The following STRBP variants were observed in gnomAD, a reference collection of about 807,000 sequenced individuals.
The protein encoded by STRBP is spermatid perinuclear RNA binding protein.
A neutral mutation model predicts 80.1 loss-of-function variants in STRBP; 13 were observed. The ratio of observed to expected loss-of-function variants is 0.16; its 90% CI spans 0.11 to 0.26. The LOEUF (loss-of-function observed/expected upper bound fraction) is 0.26, where lower values mean the gene tolerates loss of function less well. Ranked by LOEUF, STRBP falls within the 10% of genes least tolerant of loss-of-function variation. STRBP has a pLI of 1.00. For missense variants in STRBP, 485 were observed against 815.2 expected (o/e 0.59, Z 4.93); for synonymous variants, 284 against 291.2 (o/e 0.98, Z 0.25).
At chr9:123,152,421 A>G (rs187657733) in intron 11 of STRBP, among the ~76,000 whole-genome samples, 26 of 152,224 alleles carry the variant, frequency 1.7e-4, no homozygotes, top group African/African-American at 5.5e-4. Flanking sequence ...ACGTGTATAT[A>G]TATATGATTG....
chr9:123,110,543 A>C lies in STRBP; in HGVS notation c.*85-790T>G, dbSNP rs2035547991. 5.9e-6 allele frequency: 1 copy of C among 169,454 alleles called. No homozygotes were observed. Among genetic ancestry groups the C allele is most frequent in the Admixed American group, 6.5e-5 (1 of 15,288 alleles). The allele number at this position is 169,454 out of a possible 1,614,324, so 10.5% of individuals were successfully genotyped here. ...TGAGTCCAAGGATGCTTTGGGGAAA[A>C]CGGGATAAACACTGCTAGGAGCTAA... On this transcript the variant is annotated intron_variant and NMD_transcript_variant, in intron 3 of 3. Transcript: ENST00000471564. This position sits in a 1 kb window ranked among gnomAD's most constrained non-coding sequence, Gnocchi z 4.1.
chr9:123,204,598 A>G (rs908577311), intron 2 of STRBP, among the ~76,000 whole-genome samples: 8 of 152,334 alleles, frequency 5.3e-5, no homozygotes, highest in Non-Finnish European at 5.9e-5. Context: ...AAAAGGAAAA[A>G]GGGGTAATGT....
At position 123,125,192 on chromosome 9, in the gene STRBP, T is replaced by C; in HGVS notation, c.*405A>G. On this transcript the variant is annotated 3_prime_UTR_variant, in exon 19 of 19. Coordinates refer to ENST00000348403, the MANE Select transcript of STRBP (RefSeq NM_018387.5). ...TATCAATCAACTAAGAATCAGTGACTGCATCAGGAACCAGGCAGTACTCTG... is the reference window on the plus strand; with the variant it reads ...TATCAATCAACTAAGAATCAGTGACCGCATCAGGAACCAGGCAGTACTCTG... 1.0e-6 allele frequency: 1 copy of C among 988,626 alleles called. No individual in the cohort carries two copies. The highest frequency in any genetic ancestry group is 1.2e-6 in the Non-Finnish European group (1 of 831,938). 61.2% of individuals were successfully genotyped at this position (988,626 alleles called of 1,614,324 possible).
chr9:123,256,921 C>G (rs2041045344), intron 1 of STRBP, among the ~76,000 whole-genome samples: 1 of 147,770 alleles, frequency 6.8e-6, no homozygotes, highest in Non-Finnish European at 1.5e-5. Context: ...TTTTGGTCAA[C>G]ATTATAATGA....
chr9:123,264,043 G>A (rs1034510613), intron 1 of STRBP, among the ~76,000 whole-genome samples: 6 of 152,214 alleles, frequency 3.9e-5, no homozygotes, highest in African/African-American at 4.8e-5. Context: ...GCTGGGCGTG[G>A]TGGCGGGCAC....
chr9:123,163,675 T>C (rs1001032259), intron 6 of STRBP, among the ~76,000 whole-genome samples: 2 of 152,340 alleles, frequency 1.3e-5, no homozygotes, highest in Middle Eastern at 3.4e-3. Flanking sequence ...TTTATAAGCA[T>C]AGATTGCCTG....
chr9:123,141,990 T>A (rs2036609313), intron 13 of STRBP, among the ~76,000 whole-genome samples: 1 of 152,198 alleles, frequency 6.6e-6, no homozygotes. Context: ...TTTGGCCTTG[T>A]CCTTAAGAGC....
intron 1 of STRBP, among the ~76,000 whole-genome samples, chr9:123,244,692 A>G (rs780659949): frequency 3.9e-5 from 6 of 152,234 alleles, no homozygotes; most frequent in Non-Finnish European, 8.8e-5. Flanking sequence ...TGGATCACAC[A>G]TACACTGCTG....
At chr9:123,133,051 A>G in intron 16 of STRBP, 83 bp from the exon 17 acceptor site, 1 of 1,535,736 alleles carries the variant, frequency 6.5e-7, no homozygotes, top group South Asian at 1.2e-5. Context: ...CACAACAACT[A>G]TGAGAAACTG....
intron 11 of STRBP, among the ~76,000 whole-genome samples, chr9:123,153,713 C>A (rs1182549251): frequency 6.6e-6 from 1 of 151,972 alleles, no homozygotes; most frequent in Non-Finnish European, 1.5e-5. Context: ...ATCCATGTAG[C>A]GATATTGAGG....
intron 2 of STRBP, among the ~76,000 whole-genome samples, chr9:123,189,321 A>AGGGGG (rs2038830470): frequency 2.1e-5 from 1 of 47,374 alleles, no homozygotes; most frequent in African/African-American, 8.8e-5. Flanking sequence ...GGGTGGGGGG[A>AGGGGG]GGGTGGGGAG....
intron 2 of STRBP, among the ~76,000 whole-genome samples, chr9:123,215,017 G>A (rs538975081): frequency 1.3e-5 from 2 of 151,988 alleles, no homozygotes; most frequent in African/African-American, 4.8e-5. Flanking sequence ...TCTTAGGCAA[G>A]CATGTAACTA....
At chr9:123,182,373 A>C (rs547946713) in intron 3 of STRBP, among the ~76,000 whole-genome samples, 4 of 152,234 alleles carry the variant, frequency 2.6e-5, no homozygotes, top group African/African-American at 9.6e-5. Flanking sequence ...AAAAACACAA[A>C]ATTTATACAC....
intron 3 of STRBP, among the ~76,000 whole-genome samples, chr9:123,181,425 T>C (rs2038453082): frequency 6.6e-6 from 1 of 152,290 alleles, no homozygotes; most frequent in East Asian, 1.9e-4. Flanking sequence ...ATCACACAAA[T>C]AATACAGACT....
Position 123,218,967 on chromosome 9 carries a change from G to A in STRBP, c.-165+17863C>T, listed in dbSNP as rs192266794. Among the ~76,000 whole-genome samples, 59 of 152,190 alleles carry A rather than the reference G, an allele frequency of 3.9e-4. 1 individual carries two copies. The highest frequency in any genetic ancestry group is 1.4e-3 in the African/African-American group (58 of 41,510). On this transcript the variant is annotated intron_variant, in intron 2 of 18. Transcript: ENST00000348403. ...ACTATTATTTCCAATTCACGGATGA[G>A]GAAATAGAGGCCTGAAAAATTTAAC...
intron 2 of STRBP, among the ~76,000 whole-genome samples, chr9:123,207,305 G>T (rs755877989): frequency 7.9e-5 from 12 of 152,100 alleles, no homozygotes; most frequent in Admixed American, 2.0e-4. Flanking sequence ...ATCAACAAGA[G>T]AATAAAGATA....
intron 2 of STRBP, among the ~76,000 whole-genome samples, chr9:123,231,999 T>C (rs1369050129): frequency 1.3e-5 from 2 of 152,212 alleles, no homozygotes; most frequent in South Asian, 2.1e-4. Context: ...ACTGTTGTAC[T>C]TGAATTCATC....
At chr9:123,185,259 T>C (rs1375704187) in intron 2 of STRBP, among the ~76,000 whole-genome samples, 2 of 152,176 alleles carry the variant, frequency 1.3e-5, no homozygotes, top group Admixed American at 6.5e-5. Context: ...CTATTGTCAG[T>C]AACAGTTTCT....
At chr9:123,248,356 C>T (rs190131550) in intron 1 of STRBP, among the ~76,000 whole-genome samples, 2 of 150,950 alleles carry the variant, frequency 1.3e-5, no homozygotes, top group Admixed American at 1.3e-4. Flanking sequence ...CAACCTCTGC[C>T]TCCTGGGTTC....
Sources: gnomAD v4.1 joint callset for allele counts (sites outside exome capture counted in the v4.1 genomes callset) on GRCh38, gnomAD v4.1.1 for gene constraint, Gnocchi (gnomAD v3.1) non-coding constraint, MANE v1.5 for transcripts, NCBI Gene and HGNC (gene_info 2026-07-23, HGNC 2026-07-21) for gene names.